Variants in PTK2B observed in about 807,000 individuals in gnomAD.
The protein encoded by PTK2B is protein-tyrosine kinase 2-beta.
A neutral mutation model predicts 142.9 loss-of-function variants in PTK2B; 71 were observed. The ratio of observed to expected loss-of-function variants is 0.50; its 90% CI spans 0.41 to 0.61. PTK2B has a LOEUF of 0.61. Among genes scored for constraint, PTK2B ranks in the 20% least tolerant of loss-of-function variants. The pLI, the probability that PTK2B is intolerant of heterozygous loss-of-function variation, is 0.00. For synonymous variants in PTK2B, 519 were observed against 503.4 expected (o/e 1.03, Z -0.42); for missense variants, 1,105 against 1,320.4 (o/e 0.84, Z 2.53).
rs371764700 is a variant in PTK2B, at chr8:27,459,198, G to A, written c.*689G>A. 1.7e-5 allele frequency: 4 copies of A among 234,408 alleles called. No homozygotes were observed. The highest frequency in any genetic ancestry group is 6.6e-5 in the African/African-American group (3 of 45,320). 14.5% of individuals were successfully genotyped at this position (234,408 alleles called of 1,614,324 possible). The stretch of plus-strand genomic sequence containing the variant: ...CAAGATAGGACCTTGGGCCAAATCC[G>A]CTCTCTTCCTGCCCCTCTTTCTCTT... On this transcript the variant is annotated 3_prime_UTR_variant, in exon 31 of 31. Transcript: ENST00000346049.
At chr8:27,447,585 G>A (rs906115682) in intron 24 of PTK2B, among the ~76,000 whole-genome samples, 7 of 152,206 alleles carry the variant, frequency 4.6e-5, no homozygotes, top group Non-Finnish European at 7.3e-5. Context: ...AAGGCCAGGC[G>A]TGGTGGCTCA....
chr8:27,438,016 C>A, intron 18 of PTK2B, 136 bp downstream of exon 18: 1 of 729,638 alleles, frequency 1.4e-6, no homozygotes, highest in Non-Finnish European at 2.3e-6. Flanking sequence ...CAGCTTTGAG[C>A]ACTTGAGCAA....
chr8:27,332,807 C>A (rs191836198), intron 1 of PTK2B, among the ~76,000 whole-genome samples: 1 of 152,274 alleles, frequency 6.6e-6, no homozygotes, highest in Admixed American at 6.5e-5. Context: ...GTGTTGAACA[C>A]CTGGGCTCAA....
intron 12 of PTK2B, 108 bp from the exon 13 acceptor site, chr8:27,434,405 C>G (rs1461293101): frequency 7.8e-7 from 1 of 1,288,140 alleles, no homozygotes; most frequent in Non-Finnish European, 1.1e-6. Flanking sequence ...CTAATTTGGA[C>G]AGACTACTTC....
At chr8:27,364,381 A>T (rs984731465) in intron 1 of PTK2B, among the ~76,000 whole-genome samples, 5 of 152,246 alleles carry the variant, frequency 3.3e-5, no homozygotes, top group African/African-American at 1.2e-4. Flanking sequence ...GTAACGCATT[A>T]TTTCCAGCTT....
At chr8:27,329,628 G>T (rs1470350278) in intron 1 of PTK2B, among the ~76,000 whole-genome samples, 1 of 152,158 alleles carries the variant, frequency 6.6e-6, no homozygotes, top group Non-Finnish European at 1.5e-5. Context: ...TGAAAGTGTG[G>T]TGATGAAGAT....
At position 27,454,239 on chromosome 8, in the gene PTK2B, T is replaced by C. The variant is rs1365117728; in HGVS notation, c.2681T>C (p.Leu894Pro). 1 of 1,614,070 alleles carries C rather than the reference T, an allele frequency of 6.2e-7. No individual in the cohort carries two copies. The highest frequency in any genetic ancestry group is 8.5e-7 in the Non-Finnish European group (1 of 1,180,004). Residue 894 changes from leucine (L) to proline (P), a missense_variant, in exon 29 of 31, where the codon CTC (leucine) becomes CCC (proline). By Grantham distance (98) the Leu-to-Pro change is moderately conservative. Coordinates refer to ENST00000346049, the MANE Select transcript of PTK2B (RefSeq NM_173176.3). Reference protein sequence around the residue: ...VMELVRAVLELKNELCQLPPE... With the variant: ...VMELVRAVLEPKNELCQLPPE... ...GAGCTGGTGCGGGCCGTGCTGGAGC[T>C]CAAGAATGAGCTCTGTCAGCTGCCC...
At chr8:27,431,107 C>A in intron 8 of PTK2B, 91 bp downstream of exon 8, 1 of 1,528,624 alleles carries the variant, frequency 6.5e-7, no homozygotes, top group South Asian at 1.2e-5. Flanking sequence ...AGGCTGCAAT[C>A]GCTGCAGATT....
At chr8:27,380,959 A>G (rs1033364955) in intron 1 of PTK2B, among the ~76,000 whole-genome samples, 3 of 152,248 alleles carry the variant, frequency 2.0e-5, no homozygotes, top group Admixed American at 6.5e-5. Flanking sequence ...AGTAAGTCCC[A>G]GAGATCTAAT....
rs568768692 is a variant in PTK2B, at chr8:27,338,445, C to T, written c.-38+12764C>T. ...AAAGACAAATTGGATGCAATATATA[C>T]TGCTCCAGTGGTGTGAGTCCATCAA... On this transcript the variant is annotated intron_variant, in intron 1 of 30. Transcript: ENST00000346049. Among the ~76,000 whole-genome samples the T allele has an allele frequency of 5.3e-5, 8 of 152,236 alleles. No individual in the cohort carries two copies. The South Asian group carries it at 1.5e-3, about 28-fold the overall frequency.
chr8:27,452,892 G>T, intron 27 of PTK2B: 1 of 586,218 alleles, frequency 1.7e-6, no homozygotes, highest in Non-Finnish European at 3.0e-6. Flanking sequence ...CTGGGACTTT[G>T]CCTTTTTCTT....
chr8:27,357,044 C>G (rs1805431769), intron 1 of PTK2B, among the ~76,000 whole-genome samples: 1 of 152,146 alleles, frequency 6.6e-6, no homozygotes, highest in South Asian at 2.1e-4. Context: ...ACATACCACA[C>G]ACACCCACAC....
At chr8:27,347,092 C>T (rs1804755607) in intron 1 of PTK2B, among the ~76,000 whole-genome samples, 1 of 152,078 alleles carries the variant, frequency 6.6e-6, no homozygotes, top group South Asian at 2.1e-4. Flanking sequence ...AAAGTCATGG[C>T]TAGGCTGGAC....
At chr8:27,403,475 C>T (rs1294854217) in intron 2 of PTK2B, among the ~76,000 whole-genome samples, 3 of 152,190 alleles carry the variant, frequency 2.0e-5, no homozygotes, top group Non-Finnish European at 4.4e-5. Context: ...GCCCCTGTGC[C>T]TAGGACCTAA....
At chr8:27,399,468 T>G (rs1047180482) in intron 2 of PTK2B, among the ~76,000 whole-genome samples, 11 of 152,158 alleles carry the variant, frequency 7.2e-5, no homozygotes, top group African/African-American at 2.7e-4. Flanking sequence ...CAGCAGAGAA[T>G]GAAGGGCCTA....
intron 11 of PTK2B, among the ~76,000 whole-genome samples, chr8:27,433,887 T>A (rs1163965768): frequency 2.0e-5 from 3 of 152,222 alleles, no homozygotes; most frequent in Non-Finnish European, 4.4e-5. Flanking sequence ...GGGTCACAGC[T>A]GGAGCACGTG....
chr8:27,415,864 T>C (rs1350071455), intron 2 of PTK2B, among the ~76,000 whole-genome samples: 1 of 152,116 alleles, frequency 6.6e-6, no homozygotes. Flanking sequence ...GATAAAACAT[T>C]ACTAAAAGAA....
chr8:27,405,843 T>G (rs1034636218), intron 2 of PTK2B, among the ~76,000 whole-genome samples: 2 of 152,272 alleles, frequency 1.3e-5, no homozygotes, highest in African/African-American at 4.8e-5. Flanking sequence ...TGTTAAGTTA[T>G]GCTCACTTGT....
intron 19 of PTK2B, 49 bp from the exon 20 acceptor site, chr8:27,439,260 T>C (rs775241545): frequency 6.4e-7 from 1 of 1,568,052 alleles, no homozygotes; most frequent in African/African-American, 1.4e-5. Flanking sequence ...TATTTCTGGA[T>C]AATTCTGATC....
Sources: gnomAD v4.1 joint callset for allele counts (sites outside exome capture counted in the v4.1 genomes callset) on GRCh38, gnomAD v4.1.1 for gene constraint, MANE v1.5 for transcripts, NCBI Gene and HGNC (gene_info 2026-07-23, HGNC 2026-07-21) for gene names.